SLC2A12: variants seen among roughly 807,000 people sequenced by gnomAD.
SLC2A12 encodes solute carrier family 2, facilitated glucose transporter member 12.
Under a neutral mutation model 41.8 loss-of-function variants are expected in SLC2A12, and 23 were observed. The ratio of observed to expected loss-of-function variants is 0.55; its 90% confidence interval spans 0.40 to 0.78. The LOEUF (loss-of-function observed/expected upper bound fraction) is 0.78. SLC2A12 is among the 30% of genes least tolerant of loss of function. SLC2A12 has a pLI of 0.00. For synonymous variants in SLC2A12, 295 were observed against 285.9 expected (o/e 1.03, Z -0.32); for missense variants, 654 against 745.6 (o/e 0.88, Z 1.43).
intron 4 of SLC2A12, among the ~76,000 whole-genome samples, chr6:133,998,022 T>G (rs1776716401): frequency 6.6e-6 from 1 of 152,218 alleles, no homozygotes; most frequent in African/African-American, 2.4e-5. Flanking sequence ...TACCTTTGGC[T>G]TTTGGTCCTC....
Position 133,987,812 on chromosome 6 carries a change from G to A in SLC2A12, c.*3343C>T, listed in dbSNP as rs1776560308. Reference sequence around the variant, plus strand: ...TTATAGATAAAGGATAATGTTTTATGTTGCTAATTTAATATGATAGAAAAT... The same window carrying A: ...TTATAGATAAAGGATAATGTTTTATATTGCTAATTTAATATGATAGAAAAT... On this transcript the variant is annotated 3_prime_UTR_variant, in exon 5 of 5. Coordinates refer to ENST00000275230, the MANE Select transcript of SLC2A12 (RefSeq NM_145176.3). 1 of 152,444 alleles carries A rather than the reference G, an allele frequency of 6.6e-6. No homozygotes were observed. 9.4% of individuals were successfully genotyped at this position (152,444 alleles called of 1,614,324 possible).
intron 2 of SLC2A12, among the ~76,000 whole-genome samples, chr6:134,026,953 G>A (rs1489235295): frequency 6.6e-6 from 1 of 152,162 alleles, no homozygotes; most frequent in Non-Finnish European, 1.5e-5. Flanking sequence ...CTTAGAAGTG[G>A]AATTAGAAGC....
intron 4 of SLC2A12, among the ~76,000 whole-genome samples, chr6:133,993,714 G>A (rs1776651175): frequency 6.6e-6 from 1 of 152,226 alleles, no homozygotes; most frequent in Non-Finnish European, 1.5e-5. Flanking sequence ...ATTTGAAATA[G>A]AGGGACAGGA....
chr6:134,045,866 A>G (rs1777449094), intron 1 of SLC2A12, among the ~76,000 whole-genome samples: 1 of 152,260 alleles, frequency 6.6e-6, no homozygotes, highest in African/African-American at 2.4e-5. Flanking sequence ...CCTTATTTCC[A>G]GCATAACAAT....
chr6:134,017,346 A>G (rs936915899), intron 2 of SLC2A12, among the ~76,000 whole-genome samples: 13 of 152,314 alleles, frequency 8.5e-5, no homozygotes, highest in African/African-American at 3.1e-4. Context: ...ACCAGAGGAC[A>G]TCAAGATATC....
At chr6:133,993,853 C>T (rs1450679757) in intron 4 of SLC2A12, among the ~76,000 whole-genome samples, 1 of 152,146 alleles carries the variant, frequency 6.6e-6, no homozygotes, top group Non-Finnish European at 1.5e-5. Context: ...AGCCTCTGGC[C>T]TGTGTGGCTG....
intron 2 of SLC2A12, among the ~76,000 whole-genome samples, chr6:134,027,477 G>GAAAGAGAAAGGAAGGAGAGGAATA (rs1308510571): frequency 1.3e-5 from 2 of 152,168 alleles, no homozygotes; most frequent in African/African-American, 4.8e-5. Context: ...GACTTAGAAA[G>GAAAGAGAAAGGAAGGAGAGGAATA]AAAGAGAAAG....
intron 3 of SLC2A12, among the ~76,000 whole-genome samples, chr6:134,003,426 C>A (rs908878544): frequency 3.9e-5 from 6 of 152,188 alleles, no homozygotes; most frequent in Non-Finnish European, 7.3e-5. Flanking sequence ...TGTTTGAGCA[C>A]TTTGAGTAAC....
At chr6:133,998,465 A>G (rs1282981293) in intron 4 of SLC2A12, among the ~76,000 whole-genome samples, 1 of 152,256 alleles carries the variant, frequency 6.6e-6, no homozygotes, top group East Asian at 1.9e-4. Flanking sequence ...GTTTCATTCA[A>G]TTAATTAATT....
chr6:134,033,860 G>A (rs1240529358), intron 1 of SLC2A12, among the ~76,000 whole-genome samples: 1 of 152,058 alleles, frequency 6.6e-6, no homozygotes, highest in Non-Finnish European at 1.5e-5. Context: ...AGCCTGAAGT[G>A]GTTTGCTAAG....
At chr6:134,026,792 T>C (rs1448006227) in intron 2 of SLC2A12, among the ~76,000 whole-genome samples, 2 of 152,240 alleles carry the variant, frequency 1.3e-5, no homozygotes, top group Non-Finnish European at 2.9e-5. Context: ...TTCCATGTCT[T>C]GGACCATGAC....
chr6:134,017,151 T>G (rs1190985749), intron 2 of SLC2A12, among the ~76,000 whole-genome samples: 1 of 152,208 alleles, frequency 6.6e-6, no homozygotes, highest in East Asian at 1.9e-4. Context: ...CACTGTACAT[T>G]TTTTTAAATG....
intron 1 of SLC2A12, among the ~76,000 whole-genome samples, chr6:134,033,020 G>T (rs1406670507): frequency 6.6e-6 from 1 of 151,620 alleles, no homozygotes; most frequent in African/African-American, 2.4e-5. Flanking sequence ...AATTTCCAAG[G>T]CCTTAGGACA....
chr6:134,044,655 A>C (rs1777431133), intron 1 of SLC2A12, among the ~76,000 whole-genome samples: 1 of 148,890 alleles, frequency 6.7e-6, no homozygotes, highest in South Asian at 2.1e-4. Context: ...TGAAGGTTGC[A>C]GTGAGCCGAG....
At chr6:134,025,125 G>T (rs576864427) in intron 2 of SLC2A12, among the ~76,000 whole-genome samples, 1 of 152,156 alleles carries the variant, frequency 6.6e-6, no homozygotes, top group Non-Finnish European at 1.5e-5. Context: ...TTAGTATCCT[G>T]ATGGATGGAC....
rs370214231 is a variant in SLC2A12 at position 134,029,639 on chromosome 6, A to G, written c.186T>C (p.Ser62=). The G allele has an allele frequency of 4.3e-6, 7 of 1,613,542 alleles. No individual in the cohort carries two copies. In the African/African-American group the frequency reaches 9.3e-5, roughly 22 times the overall value. The change falls in exon 2 of 5, where the codon TCT becomes TCC. Residue 62 remains serine, a synonymous_variant. Coordinates refer to ENST00000275230, the MANE Select transcript of SLC2A12 (RefSeq NM_145176.3). ...LLVGYELGII[S]GALLQIKTLL... ...AGGTTTTGATCTGAAGAAGAGCCCC[A>G]GAGATGATCCCAAGTTCATAACCCA... is the stretch of plus-strand genomic sequence containing the variant.
At chr6:134,014,176 A>G (rs1776925793) in intron 2 of SLC2A12, among the ~76,000 whole-genome samples, 1 of 152,222 alleles carries the variant, frequency 6.6e-6, no homozygotes, top group Non-Finnish European at 1.5e-5. Context: ...CGTGACGTTT[A>G]TCATTAGATT....
chr6:134,052,538 T>A lies in SLC2A12; in HGVS notation c.-58A>T. The A allele has an allele frequency of 7.4e-7, 1 of 1,357,272 alleles. No individual in the cohort carries two copies. The allele number at this position is 1,357,272 out of a possible 1,614,324, so 84.1% of individuals were successfully genotyped here. A position where few individuals can be genotyped will look rare whatever the true frequency, so the allele number is the denominator to read the frequency against. On this transcript the variant is annotated 5_prime_UTR_variant, in exon 1 of 5. Transcript: ENST00000275230. ...ACCAAACCGCCCCGACCACCCCCGC[T>A]CCCAGGAGTGGTCACTTTCCCCATA...
chr6:133,991,879 C>G (rs185049234), intron 4 of SLC2A12, among the ~76,000 whole-genome samples: 68 of 152,232 alleles, frequency 4.5e-4, no homozygotes, highest in Admixed American at 4.4e-3. Context: ...CTTCTGTTTT[C>G]AAGGAGCTTA....
Sources: allele counts gnomAD v4.1 joint callset (sites outside exome capture counted in the v4.1 genomes callset), GRCh38; gene constraint gnomAD v4.1.1; transcripts MANE v1.5; gene names NCBI Gene and HGNC (gene_info 2026-07-23, HGNC 2026-07-21).